Variants in ERBB2 observed in about 807,000 individuals in gnomAD.
The protein encoded by ERBB2 is receptor tyrosine-protein kinase erbB-2.
A neutral mutation model predicts 149.0 loss-of-function variants in ERBB2; 61 were observed. That is an observed-to-expected ratio of 0.41 (90% confidence interval 0.33 to 0.51). The LOEUF (loss-of-function observed/expected upper bound fraction) is 0.51. ERBB2 is among the 20% of genes least tolerant of loss of function. ERBB2 has a pLI of 0.25. For missense variants in ERBB2, 1,205 were observed against 1,655.1 expected, an observed-to-expected ratio of 0.73 and a Z score of 4.72; for synonymous variants, 633 against 678.8, an observed-to-expected ratio of 0.93 and a Z score of 1.05.
At chr17:39,700,557 CG>C (rs2058039945) in intron 1 of ERBB2, among the ~76,000 whole-genome samples, 1 of 152,232 alleles carries the variant, frequency 6.6e-6, no homozygotes, top group South Asian at 2.1e-4. Flanking sequence ...CGAGGGGCTC[CG>C]GGAACTTGTC....
chr17:39,702,374 G>T (rs1253804976), intron 1 of ERBB2, among the ~76,000 whole-genome samples: 2 of 152,200 alleles, frequency 1.3e-5, no homozygotes, highest in Admixed American at 6.5e-5. Flanking sequence ...GCAGGAATGT[G>T]GGGGAAGGGG....
chr17:39,691,928 C>CATATATATATATATATAT (rs1459402681), upstream of ERBB2, among the ~76,000 whole-genome samples: 13 of 93,630 alleles, frequency 1.4e-4, no homozygotes, highest in African/African-American at 2.2e-4. Context: ...TATACATATA[C>CATATATATATATATATAT]ATATACATAT....
At chr17:39,690,259 A>T (rs2517959), upstream of ERBB2, among the ~76,000 whole-genome samples, 94,240 of 151,416 alleles carry the variant, frequency 0.62, 29,760 homozygotes, top group South Asian at 0.73. Flanking sequence ...TAATTTTTTT[A>T]ATTTTTTGTA....
chr17:39,710,799 T>C (rs1389058375), intron 7 of ERBB2, among the ~76,000 whole-genome samples: 1 of 152,232 alleles, frequency 6.6e-6, no homozygotes, highest in East Asian at 1.9e-4. Flanking sequence ...CATAAGATGG[T>C]TATAACATTT....
At chr17:39,707,241 C>T in intron 2 of ERBB2, 100 bp downstream of exon 2, 1 of 1,071,006 alleles carries the variant, frequency 9.3e-7, no homozygotes, top group Non-Finnish European at 1.3e-6. Context: ...CCTTCTGTTT[C>T]CTCTCTTGTT....
chr17:39,695,920 G>A (rs1023956060), upstream of ERBB2, among the ~76,000 whole-genome samples: 5 of 152,080 alleles, frequency 3.3e-5, no homozygotes, highest in Admixed American at 6.5e-5. Context: ...CCACAGGCTG[G>A]GGTCTTGGGC....
exon 1 of ERBB2, chr17:39,688,197 A>C: frequency 4.3e-6 from 2 of 468,604 alleles, no homozygotes; most frequent in Non-Finnish European, 7.0e-6. Flanking sequence ...GTGTCCATAT[A>C]TCGAGGCGAT....
Position 39,715,454 on chromosome 17 carries a change from T to G in ERBB2, c.1231T>G (p.Tyr411Asp), listed in dbSNP as rs587778265. 2.5e-6 allele frequency: 4 copies of G among 1,614,156 alleles called. No homozygotes were observed. The highest frequency in any genetic ancestry group is 4.5e-5 in the East Asian group (2 of 44,880). ...ETLEEITGYLYISAWPDSLPD... is the reference protein window; with the variant it reads ...ETLEEITGYLDISAWPDSLPD... ...TCACCCTCTGCCTGCAGGTTACCTA[T>G]ACATCTCAGCATGGCCGGACAGCCT... The change falls in exon 11 of 27, where the codon TAC (tyrosine) becomes GAC (aspartate). Residue 411 changes from tyrosine to aspartate, a missense_variant. Physicochemically the swap from Tyr to Asp is radical, Grantham distance 160. Transcript: ENST00000269571.
intron 16 of ERBB2, among the ~76,000 whole-genome samples, chr17:39,720,626 G>C (rs1451289763): frequency 6.6e-6 from 1 of 152,132 alleles, no homozygotes; most frequent in African/African-American, 2.4e-5. Context: ...ACACCCGGGA[G>C]CTCCATCTAT....
In ERBB2 at chr17:39,728,185, C is replaced by A. The variant is rs890965903; in HGVS notation, c.*141C>A. On this transcript the variant is annotated 3_prime_UTR_variant, in exon 27 of 27. Transcript: ENST00000269571. Reference sequence around the variant, plus strand: ...CATGCCAGGAACCTGTCCTAAGGAACCTTCCTTCCTGCTTGAGTTCCCAGA... The same window carrying A: ...CATGCCAGGAACCTGTCCTAAGGAAACTTCCTTCCTGCTTGAGTTCCCAGA... The A allele has an allele frequency of 3.3e-6, 2 of 604,290 alleles. No homozygotes were observed. The highest frequency in any genetic ancestry group is 5.7e-6 in the Non-Finnish European group (2 of 351,412). 37.4% of individuals were successfully genotyped at this position (604,290 alleles called of 1,614,324 possible). A position where few individuals can be genotyped will look rare whatever the true frequency, so the allele number is the denominator to read the frequency against.
chr17:39,717,744 C>A, intron 15 of ERBB2: 1 of 281,572 alleles, frequency 3.6e-6, no homozygotes, highest in Admixed American at 4.9e-5. Flanking sequence ...TATAAGTTAA[C>A]ATATATTAAT....
intron 11 of ERBB2, 87 bp from the exon 12 acceptor site, chr17:39,715,653 A>G: frequency 6.4e-7 from 1 of 1,564,570 alleles, no homozygotes; most frequent in Non-Finnish European, 8.8e-7. Context: ...GAAAGTCTGC[A>G]GAGTGTGCTG....
chr17:39,706,893 C>A (rs2058474711), intron 1 of ERBB2, 97 bp from the exon 2 acceptor site: 2 of 1,286,564 alleles, frequency 1.6e-6, no homozygotes, highest in Non-Finnish European at 2.1e-6. Flanking sequence ...TTCTCCCTGT[C>A]TGAGGTGGCA....
At position 39,716,354 on chromosome 17, in the gene ERBB2, C is replaced by T. The variant is rs202202058; in HGVS notation, c.1567C>T (p.Pro523Ser). 3.9e-4 allele frequency: 633 copies of T among 1,608,760 alleles called. No individual in the cohort carries two copies. The highest frequency in any genetic ancestry group is 5.2e-4 in the Non-Finnish European group (616 of 1,177,834). Reference protein sequence around the residue: ...QLCARGHCWGPGPTQCVNCSQ... With the variant: ...QLCARGHCWGSGPTQCVNCSQ... ...GTGCGCCCGAGGGCACTGCTGGGGTCCAGGGCCCACCCAGTGTGTCAACTG... is the reference window on the plus strand; with the variant it reads ...GTGCGCCCGAGGGCACTGCTGGGGTTCAGGGCCCACCCAGTGTGTCAACTG... Residue 523 changes from proline to serine, a missense_variant, in exon 13 of 27, where the codon CCA (proline) becomes TCA (serine). Pro to Ser is a moderately conservative substitution (Grantham distance 74, BLOSUM62 -1). Around this residue, in one of 6 missense-constraint regions of ERBB2, gnomAD observed 569 missense variants for 803.5 expected, o/e 0.71. Coordinates refer to ENST00000269571, the MANE Select transcript of ERBB2 (RefSeq NM_004448.4).
chr17:39,706,004 C>G (rs2058410386), intron 1 of ERBB2, among the ~76,000 whole-genome samples: 1 of 152,212 alleles, frequency 6.6e-6, no homozygotes, highest in Non-Finnish European at 1.5e-5. Flanking sequence ...TTAATCTCCC[C>G]TCACTGGCAG....
chr17:39,694,595 G>C (rs1205656022), upstream of ERBB2: 1 of 151,962 alleles, frequency 6.6e-6, no homozygotes, highest in Non-Finnish European at 1.5e-5. Flanking sequence ...AATCAACCAG[G>C]TGGGTTCAGT....
chr17:39,717,552 AAAGGGGACC>A, intron 15 of ERBB2, 72 bp downstream of exon 15: 2 of 1,264,370 alleles, frequency 1.6e-6, no homozygotes, highest in Non-Finnish European at 2.2e-6. Context: ...TCTTACTATA[AAAGGGGACC>A]AACTCTCCCT....
At chr17:39,712,182 G>A (rs1567902351) in intron 8 of ERBB2, 135 bp downstream of exon 8, 3 of 1,508,042 alleles carry the variant, frequency 2.0e-6, no homozygotes, top group Middle Eastern at 1.7e-4. Flanking sequence ...TCTACCCCTG[G>A]CCCCCCTCAG....
In ERBB2 at chr17:39,728,159, C is replaced by A. The variant is rs1013142758; in HGVS notation, c.*115C>A. 2.8e-6 allele frequency: 2 copies of A among 714,974 alleles called. No individual in the cohort carries two copies. Among genetic ancestry groups the A allele is most frequent in the African/African-American group, 1.8e-5 (1 of 56,150 alleles). 44.3% of individuals were successfully genotyped at this position (714,974 alleles called of 1,614,324 possible). ...CTCCGACCACTTCCAGGGGAACCTGCCATGCCAGGAACCTGTCCTAAGGAA... is the reference window on the plus strand; with the variant it reads ...CTCCGACCACTTCCAGGGGAACCTGACATGCCAGGAACCTGTCCTAAGGAA... On this transcript the variant is annotated 3_prime_UTR_variant, in exon 27 of 27. Coordinates refer to ENST00000269571, the MANE Select transcript of ERBB2 (RefSeq NM_004448.4).
Sources: allele counts gnomAD v4.1 joint callset (sites outside exome capture counted in the v4.1 genomes callset), GRCh38; gene constraint gnomAD v4.1.1; regional missense constraint gnomAD v4.1.1; transcripts MANE v1.5; gene names NCBI Gene and HGNC (gene_info 2026-07-23, HGNC 2026-07-21).